Variants in SNX24 observed in about 807,000 individuals in gnomAD.
SNX24 encodes the protein sorting nexin 24, also known as sorting nexin-24.
Under a neutral mutation model 28.7 loss-of-function variants are expected in SNX24, and 22 were observed. The observed-to-expected ratio is 0.77, with a 90% CI of 0.55 to 1.10. SNX24 has a LOEUF of 1.10. SNX24 is among the 50% of genes least tolerant of loss of function. SNX24 has a pLI of 0.00. For synonymous variants in SNX24, 69 were observed against 71.5 expected (o/e 0.96, Z 0.18); for missense variants, 221 against 201.1 (o/e 1.10, Z -0.60).
downstream of SNX24, among the ~76,000 whole-genome samples, chr5:123,012,491 A>G (rs1177602380): frequency 6.6e-6 from 1 of 152,226 alleles, no homozygotes; most frequent in African/African-American, 2.4e-5. Flanking sequence ...ACTTTGGTTG[A>G]CAGAGGCTGG....
intron 1 of SNX24, among the ~76,000 whole-genome samples, chr5:122,865,726 T>C (rs1405951796): frequency 6.6e-6 from 1 of 152,196 alleles, no homozygotes; most frequent in South Asian, 2.1e-4. Context: ...GGAGGCAGGT[T>C]CTCTAACACA....
At chr5:122,952,032 A>G (rs1421506661) in intron 3 of SNX24, among the ~76,000 whole-genome samples, 2 of 152,264 alleles carry the variant, frequency 1.3e-5, no homozygotes, top group African/African-American at 4.8e-5. Flanking sequence ...AAACTGTTTC[A>G]TGCACAAAAT....
At chr5:122,992,325 A>T (rs1456506409) in intron 3 of SNX24, among the ~76,000 whole-genome samples, 1 of 152,266 alleles carries the variant, frequency 6.6e-6, no homozygotes, top group African/African-American at 2.4e-5. Context: ...GAGATACCCC[A>T]TCTACCACCC....
intron 1 of SNX24, among the ~76,000 whole-genome samples, chr5:122,926,430 C>T (rs1432920728): frequency 6.6e-6 from 1 of 152,138 alleles, no homozygotes; most frequent in East Asian, 1.9e-4. Context: ...AGAGTGAGAA[C>T]TGAGGCCTGG....
rs183585784 is a variant in SNX24 at position 122,900,123 on chromosome 5, G to A, written c.61-36611G>A. ...CTGCCTTGAACTCTCAGGCTCAAGC[G>A]ATACTCCTGCCTCAGACTCCTGAGT... On this transcript the variant is annotated intron_variant, in intron 1 of 6. Transcript: ENST00000261369. 1.3e-4 allele frequency among the ~76,000 whole-genome samples: 19 copies of A among 151,682 alleles called. 1 individual carries two copies. The East Asian group carries it at 3.3e-3, about 27-fold the overall frequency.
Position 122,845,706 on chromosome 5 carries a change from C to CGCGGGCG in SNX24, c.60+15_60+21dup. 7.3e-7 allele frequency: 1 copy of CGCGGGCG among 1,370,196 alleles called. No individual in the cohort carries two copies. Among genetic ancestry groups the CGCGGGCG allele is most frequent in the Non-Finnish European group, 9.5e-7 (1 of 1,051,232 alleles). 84.9% of individuals were successfully genotyped at this position (1,370,196 alleles called of 1,614,324 possible). A position where few individuals can be genotyped will look rare whatever the true frequency, so the allele number is the denominator to read the frequency against. On this transcript the variant is annotated intron_variant, in intron 1 of 6. Transcript: ENST00000261369. ...GCGGGGATACACGGTAGGCGCGGGC[C>CGCGGGCG]GCGGGCGGACAGGGCCCCGCGAGCC...
intron 3 of SNX24, among the ~76,000 whole-genome samples, chr5:122,986,150 A>G (rs1015566364): frequency 3.3e-5 from 5 of 152,210 alleles, no homozygotes; most frequent in African/African-American, 1.2e-4. Flanking sequence ...GTGATGGGTC[A>G]TAGAGAGGCA....
intron 6 of SNX24, 22 bp from the exon 7 acceptor site, chr5:123,007,660 T>C (rs1338493992): frequency 2.5e-5 from 27 of 1,089,336 alleles, no homozygotes; most frequent in East Asian, 9.8e-5. Context: ...TTTTTTTTTC[T>C]TTTTTTTTTT....
intron 3 of SNX24, among the ~76,000 whole-genome samples, chr5:122,998,803 C>T (rs1255330787): frequency 6.6e-6 from 1 of 152,210 alleles, no homozygotes; most frequent in Non-Finnish European, 1.5e-5. Flanking sequence ...TATGTATCTA[C>T]AAGGTACATA....
At chr5:122,863,623 C>T (rs185007) in intron 1 of SNX24, among the ~76,000 whole-genome samples, 88,661 of 151,508 alleles carry the variant, frequency 0.59, 26,324 homozygotes, top group African/African-American at 0.66. Context: ...GCCTTAATGC[C>T]CCAGGCTGAA....
chr5:122,909,512 A>C (rs1757788981), intron 1 of SNX24, among the ~76,000 whole-genome samples: 1 of 152,212 alleles, frequency 6.6e-6, no homozygotes. Flanking sequence ...TGAGTATCAG[A>C]GTGGAAAGAG....
In SNX24 at chr5:123,017,428, G is replaced by T. The variant is rs868558650; in HGVS notation, n.384-11810G>T. ...ACCTCAATTCAGAAAATAAAAAGTTGTTTTTTTTTTTTTTTAAGATAAGTC... is the reference window on the plus strand; with the variant it reads ...ACCTCAATTCAGAAAATAAAAAGTTTTTTTTTTTTTTTTTTAAGATAAGTC... On this transcript the variant is annotated intron_variant and non_coding_transcript_variant, in intron 5 of 5. Coordinates refer to the SNX24 transcript ENST00000502387. Among the ~76,000 whole-genome samples, 68 of 134,402 alleles carry T rather than the reference G, an allele frequency of 5.1e-4. 1 individual carries two copies. Among genetic ancestry groups the T allele is most frequent in the East Asian group, 4.9e-3 (22 of 4,486 alleles). 88.2% of individuals were successfully genotyped at this position (134,402 alleles called of 152,430 possible). A position where few individuals can be genotyped will look rare whatever the true frequency, so the allele number is the denominator to read the frequency against.
intron 1 of SNX24, among the ~76,000 whole-genome samples, chr5:122,917,435 A>G (rs1246748487): frequency 6.6e-6 from 1 of 152,188 alleles, no homozygotes; most frequent in Non-Finnish European, 1.5e-5. Flanking sequence ...TGGACCTAGT[A>G]TACAGGTTTT....
chr5:122,976,193 A>C (rs1561683341), intron 3 of SNX24, among the ~76,000 whole-genome samples: 1 of 151,836 alleles, frequency 6.6e-6, no homozygotes, highest in African/African-American at 2.4e-5. Context: ...CTCCAGAGAC[A>C]CTTTTTTTTA....
intron 3 of SNX24, among the ~76,000 whole-genome samples, chr5:122,966,679 C>A (rs1038804210): frequency 1.3e-5 from 2 of 152,168 alleles, no homozygotes; most frequent in South Asian, 2.1e-4. Context: ...CCTGAGTCTC[C>A]ACTCTGCCCT....
At chr5:122,885,347 G>A (rs560120668) in intron 1 of SNX24, among the ~76,000 whole-genome samples, 113 of 152,282 alleles carry the variant, frequency 7.4e-4, no homozygotes, top group Non-Finnish European at 1.4e-3. Context: ...GGTGGGGGTA[G>A]GGGAGCACAC....
chr5:122,885,460 T>G (rs1043696941), intron 1 of SNX24, among the ~76,000 whole-genome samples: 2 of 152,182 alleles, frequency 1.3e-5, no homozygotes, highest in Non-Finnish European at 2.9e-5. Flanking sequence ...CTTTTGTACA[T>G]GCTTTGAGAA....
chr5:122,876,356 G>A (rs1361503783), intron 1 of SNX24, among the ~76,000 whole-genome samples: 2 of 152,076 alleles, frequency 1.3e-5, no homozygotes, highest in African/African-American at 2.4e-5. Context: ...AGTTTTTGAA[G>A]GCATCATATT....
intron 1 of SNX24, among the ~76,000 whole-genome samples, chr5:122,906,623 C>T (rs1006783812): frequency 6.6e-5 from 10 of 152,188 alleles, no homozygotes; most frequent in African/African-American, 2.4e-4. Flanking sequence ...ATTCTCCTGC[C>T]TCAGCCTCCT....
Sources: allele counts gnomAD v4.1 joint callset (sites outside exome capture counted in the v4.1 genomes callset), GRCh38; gene constraint gnomAD v4.1.1; transcripts MANE v1.5; gene names NCBI Gene and HGNC (gene_info 2026-07-23, HGNC 2026-07-21).